MED12: variants seen among roughly 807,000 people sequenced by gnomAD.
The protein encoded by MED12 is mediator complex subunit 12.
In MED12, 10 loss-of-function variants were observed where a neutral mutation model predicts 177.7. The observed-to-expected ratio is 0.06, with a 90% CI of 0.03 to 0.10. The LOEUF (loss-of-function observed/expected upper bound fraction) is 0.10, where lower values mean the gene tolerates loss of function less well. Ranked by LOEUF, MED12 falls within the 10% of genes least tolerant of loss-of-function variation. The pLI, the probability that MED12 is intolerant of heterozygous loss-of-function variation, is 1.00. For synonymous variants in MED12, 641 were observed against 678.4 expected (o/e 0.94, Z 0.86); for missense variants, 867 against 1,780.8 (o/e 0.49, Z 9.23).
rs1343617666 is a variant in MED12, at chrX:71,132,718, G to T, written c.4416-127G>T. ...GAGAGTAGTCTGGAGAATGAGGTTG[G>T]AAGTTGACTCCCAACCCACAGTCTC... On this transcript the variant is annotated intron_variant, in intron 31 of 44. Coordinates refer to ENST00000374080, the MANE Select transcript of MED12 (RefSeq NM_005120.3). The T allele has an allele frequency of 3.6e-6, 3 of 844,792 alleles. No individual in the cohort carries two copies. In the East Asian group the frequency reaches 1.0e-4, roughly 29 times the overall value. 69.6% of individuals were successfully genotyped at this position (844,792 alleles called of 1,213,427 possible).
chrX:71,120,984 C>T lies in MED12; in HGVS notation c.567C>T (p.Ile189=). Reference sequence around the variant, plus strand: ...TCTTTCCTCCAGAATGGACTCAGATCATCACCAAGTACTTATGGGAGCAGT... The same window carrying T: ...TCTTTCCTCCAGAATGGACTCAGATTATCACCAAGTACTTATGGGAGCAGT... The part of the protein sequence containing the change: ...HVDPFMEWTQ[I]ITKYLWEQLQ... Residue 189 remains isoleucine, a synonymous_variant, in exon 5 of 45, where the codon ATC becomes ATT. Coordinates refer to ENST00000374080, the MANE Select transcript of MED12 (RefSeq NM_005120.3). 8.3e-7 allele frequency: 1 copy of T among 1,211,506 alleles called. No individual in the cohort carries two copies. Among genetic ancestry groups the T allele is most frequent in the East Asian group, 3.0e-5 (1 of 33,849 alleles).
Position 71,126,122 on chromosome X carries a change from T to C in MED12, c.2509T>C (p.Ser837Pro). 1 of 1,210,639 alleles carries C rather than the reference T, an allele frequency of 8.3e-7. No homozygotes were observed. Among genetic ancestry groups the C allele is most frequent in the Non-Finnish European group, 1.1e-6 (1 of 894,366 alleles). ...TATCTTTGCTAAGTTCCAGCACCTT[T>C]CACATTATGACCAACACCAGGTCAC... The part of the protein sequence containing the change: ...EDIFAKFQHL[S>P]HYDQHQVTAQ... The change falls in exon 18 of 45, where the codon TCA becomes CCA. Residue 837 changes from serine to proline, a missense_variant. Around this residue, in one of 14 missense-constraint regions of MED12, gnomAD observed 309 missense variants for 556.3 expected, o/e 0.56. Coordinates refer to ENST00000374080, the MANE Select transcript of MED12 (RefSeq NM_005120.3).
intron 33 of MED12, 105 bp from the exon 34 acceptor site, chrX:71,134,247 AAAAAC>A: frequency 1.1e-5 from 5 of 454,717 alleles, no homozygotes; most frequent in Non-Finnish European, 7.5e-6. Context: ...AAAAAAAAAA[AAAAAC>A]TCAAGCATGA....
chrX:71,118,761 G>A lies in MED12; in HGVS notation c.7G>A (p.Ala3Thr), dbSNP rs2147766408. The change falls in exon 1 of 45, where the codon GCC becomes ACC. Residue 3 changes from alanine (A) to threonine (T), a missense_variant. Transcript: ENST00000374080. The part of the protein sequence containing the change: MA[A>T]FGILSYEHRP... ...GCGCTACGGGCTGGGCAAGATGGCG[G>A]CCTTCGGGATCTTGAGCTACGAACA... The A allele has an allele frequency of 8.3e-7, 1 of 1,208,082 alleles. No homozygotes were observed. Among genetic ancestry groups the A allele is most frequent in the Non-Finnish European group, 1.1e-6 (1 of 894,044 alleles).
At chrX:71,127,264 C>T in intron 20 of MED12, 72 bp from the exon 21 acceptor site, 1 of 1,184,536 alleles carries the variant, frequency 8.4e-7, no homozygotes, top group Non-Finnish European at 1.1e-6. Flanking sequence ...TGGTATTTCC[C>T]AGAGGCTTGA....
chrX:71,138,303 T>C (rs1238221634), intron 41 of MED12, among the ~76,000 whole-genome samples: 1 of 110,657 alleles, frequency 9.0e-6, no homozygotes, highest in Non-Finnish European at 1.9e-5. Flanking sequence ...CTGGGCAACA[T>C]AGGGAGATCC....
chrX:71,142,108 G>C (rs2092349785), intron 44 of MED12, 67 bp from the exon 45 acceptor site: 1 of 1,139,288 alleles, frequency 8.8e-7, no homozygotes, highest in Non-Finnish European at 1.2e-6. Flanking sequence ...TACCTGAACA[G>C]CTTTCCTCGT....
chrX:71,121,463 T>C, intron 6 of MED12, 26 bp downstream of exon 6: 1 of 1,209,043 alleles, frequency 8.3e-7, no homozygotes, highest in Admixed American at 2.2e-5. Flanking sequence ...TTGGTACTGG[T>C]GGGGCAGGGG....
Position 71,134,706 on chromosome X carries a change from G to A in MED12, c.4728-7G>A, listed in dbSNP as rs2092327839. On this transcript the variant is annotated splice_polypyrimidine_tract_variant and splice_region_variant and intron_variant, in intron 34 of 44. Transcript: ENST00000374080. ...TCTTTGGTTTTCTCTCTGGCTTCCT[G>A]TCTCAGTGAGCTCTTCACTACTGTG... 8.3e-7 allele frequency: 1 copy of A among 1,208,512 alleles called. No individual in the cohort carries two copies. The highest frequency in any genetic ancestry group is 1.8e-5 in the African/African-American group (1 of 56,641).
At position 71,125,303 on chromosome X, in the gene MED12, G is replaced by A. The variant is rs998537984; in HGVS notation, c.2227-48G>A. The A allele has an allele frequency of 3.3e-6, 4 of 1,206,682 alleles. No homozygotes were observed. The African/African-American group carries it at 7.1e-5, about 21-fold the overall frequency. On this transcript the variant is annotated intron_variant, in intron 15 of 44. Transcript: ENST00000374080. ...GGGGTGTGGAGCATGCTTTCAAGAG[G>A]AGGGAAGGAGATCGGTGCTGGAGTC...
rs867567233 is a variant in MED12 at position 71,137,720 on chromosome X, C to T, written c.5827-6C>T. ...CCCTGATTCCCTCTCTCCTTCTTCCCTCCAGGGCTATACTCCTTATGTTTC... is the reference window on the plus strand; with the variant it reads ...CCCTGATTCCCTCTCTCCTTCTTCCTTCCAGGGCTATACTCCTTATGTTTC... On this transcript the variant is annotated splice_region_variant and splice_polypyrimidine_tract_variant and intron_variant, in intron 40 of 44. Transcript: ENST00000374080. 1 of 1,210,343 alleles carries T rather than the reference C, an allele frequency of 8.3e-7. No individual in the cohort carries two copies. Among genetic ancestry groups the T allele is most frequent in the Non-Finnish European group, 1.1e-6 (1 of 894,514 alleles).
chrX:71,128,864 G>T, intron 24 of MED12, 146 bp downstream of exon 24: 1 of 777,912 alleles, frequency 1.3e-6, no homozygotes, highest in South Asian at 2.3e-5. Flanking sequence ...GTATGCTGAA[G>T]GCTAGAAGAA....
At chrX:71,142,121 A>G in intron 44 of MED12, 54 bp from the exon 45 acceptor site, 5 of 1,169,691 alleles carry the variant, frequency 4.3e-6, no homozygotes, top group South Asian at 1.8e-5. Flanking sequence ...TTCCTCGTGC[A>G]TACCCACACC....
rs565198403 is a variant in MED12, at chrX:71,122,880, C to T, written c.1485+6C>T. 7.4e-5 allele frequency: 89 copies of T among 1,207,873 alleles called. No homozygotes were observed. In the South Asian group the frequency reaches 1.3e-3, roughly 17 times the overall value. ...CTAGCAAGGATGGGCATGAGGTAAGCGAAAAGGGGAATAGAAGGAGCAAAA... is the reference window on the plus strand; with the variant it reads ...CTAGCAAGGATGGGCATGAGGTAAGTGAAAAGGGGAATAGAAGGAGCAAAA... On this transcript the variant is annotated splice_donor_region_variant and intron_variant, in intron 10 of 44. Transcript: ENST00000374080.
rs1001050248 is a variant in MED12 at position 71,140,856 on chromosome X, G to A, written c.6266G>A (p.Arg2089Gln). 8.3e-7 allele frequency: 1 copy of A among 1,202,596 alleles called. No homozygotes were observed. Among genetic ancestry groups the A allele is most frequent in the Admixed American group, 2.2e-5 (1 of 45,547 alleles). ...IRQQQQQQIL[R>Q]QQQQQQQQQQ... ...CAGCAGCAGCAGCAGCAGATCCTGC[G>A]GGTAAGGCACTGGGATTTCATCTGG... Residue 2089 changes from arginine (R) to glutamine (Q), a missense_variant and splice_region_variant, in exon 42 of 45, where the codon CGG becomes CAG. This residue lies in a region of MED12 where 236 missense variants were observed against 345.2 expected (regional missense o/e 0.68). Transcript: ENST00000374080.
Position 71,140,875 on chromosome X carries a change from C to T in MED12, c.6267+18C>T, listed in dbSNP as rs1231340101. ...TCCTGCGGGTAAGGCACTGGGATTT[C>T]ATCTGGGACCTGGGAGCCCAGGGAG... On this transcript the variant is annotated intron_variant, in intron 42 of 44. Transcript: ENST00000374080. 2 of 1,202,213 alleles carry T rather than the reference C, an allele frequency of 1.7e-6. No homozygotes were observed. Among genetic ancestry groups the T allele is most frequent in the Non-Finnish European group, 2.2e-6 (2 of 894,601 alleles).
intron 18 of MED12, 35 bp from the exon 19 acceptor site, chrX:71,126,306 C>G: frequency 8.3e-7 from 1 of 1,210,156 alleles, no homozygotes; most frequent in Non-Finnish European, 1.1e-6. Flanking sequence ...TCTTTCCTCT[C>G]TCCACTCCCA....
intron 15 of MED12, 49 bp downstream of exon 15, chrX:71,125,195 T>C: frequency 8.3e-7 from 1 of 1,202,086 alleles, no homozygotes; most frequent in East Asian, 3.0e-5. Context: ...CCCAGATTGC[T>C]GTCAAAGGAA....
Position 71,130,206 on chromosome X carries a change from A to G in MED12, c.4039A>G (p.Ile1347Val). Residue 1347 changes from isoleucine (I) to valine (V), a missense_variant, in exon 28 of 45, where the codon ATT becomes GTT. Physicochemically the swap from Ile to Val is conservative, Grantham distance 29. This residue lies in a region of MED12 where 46 missense variants were observed against 71.7 expected (regional missense o/e 0.64). Transcript: ENST00000374080. ...CCCCCAGCGGCAGCGCATAAAGCGC[A>G]TTCTCCAGGTAGGCCAAGGCCGTGG... ...ENPQRQRIKRILQNLDQWTMR... is the reference protein window; with the variant it reads ...ENPQRQRIKRVLQNLDQWTMR... The G allele has an allele frequency of 8.3e-7, 1 of 1,206,470 alleles. No homozygotes were observed.
Sources: gnomAD v4.1 joint callset for allele counts (sites outside exome capture counted in the v4.1 genomes callset) on GRCh38, gnomAD v4.1.1 for gene constraint, gnomAD v4.1.1 regional missense constraint, MANE v1.5 for transcripts, NCBI Gene and HGNC (gene_info 2026-07-23, HGNC 2026-07-21) for gene names.